The following TJP3 variants were observed in gnomAD, a reference collection of about 807,000 sequenced individuals.
The protein encoded by TJP3 is tight junction protein 3.
A neutral mutation model predicts 104.2 loss-of-function variants in TJP3; 85 were observed. That is an observed-to-expected ratio of 0.82 (90% CI 0.68 to 0.98). The LOEUF (loss-of-function observed/expected upper bound fraction) is 0.98. TJP3 is among the 50% of genes least tolerant of loss of function. The pLI, the probability that TJP3 is intolerant of heterozygous loss-of-function variation, is 0.00. For synonymous variants in TJP3, 550 were observed against 550.6 expected, an observed-to-expected ratio of 1.00 and a Z score of 0.02; for missense variants, 1,367 against 1,322.8, an observed-to-expected ratio of 1.03 and a Z score of -0.52.
At chr19:3,736,078 G>A (rs2036735031) in intron 10 of TJP3, 87 bp from the exon 11 acceptor site, 1 of 1,569,818 alleles carries the variant, frequency 6.4e-7, no homozygotes, top group African/African-American at 1.4e-5. Context: ...GAGGCCTGGA[G>A]GGGGTGGGGG....
chr19:3,718,423 A>G (rs1279140829), intron 1 of TJP3, among the ~76,000 whole-genome samples: 3 of 138,094 alleles, frequency 2.2e-5, no homozygotes, highest in Non-Finnish European at 4.6e-5. Flanking sequence ...GAAAGCCTGT[A>G]GGACAGGAAT....
At chr19:3,747,491 C>A (rs113689900) in intron 18 of TJP3, among the ~76,000 whole-genome samples, 3 of 152,064 alleles carry the variant, frequency 2.0e-5, no homozygotes, top group Non-Finnish European at 2.9e-5. Context: ...GCAGAGATTG[C>A]GCCACAGCAC....
intron 1 of TJP3, among the ~76,000 whole-genome samples, chr19:3,726,111 T>G (rs574412826): frequency 3.3e-5 from 5 of 152,340 alleles, no homozygotes; most frequent in Admixed American, 2.6e-4. Flanking sequence ...ACACCCGCTG[T>G]GCCAAGCCTA....
At chr19:3,736,416 C>G in intron 11 of TJP3, 95 bp downstream of exon 11, 1 of 1,303,966 alleles carries the variant, frequency 7.7e-7, no homozygotes, top group Non-Finnish European at 1.0e-6. Context: ...TTGGGTCCAC[C>G]TGGGGACTGT....
At chr19:3,713,760 C>T (rs927851927) in intron 1 of TJP3, among the ~76,000 whole-genome samples, 1 of 151,888 alleles carries the variant, frequency 6.6e-6, no homozygotes, top group Non-Finnish European at 1.5e-5. Flanking sequence ...GTCGCCCAGG[C>T]TCTGGAGTGC....
chr19:3,736,225 G>A lies in TJP3; in HGVS notation c.1188G>A (p.Leu396=). The A allele has an allele frequency of 6.3e-7, 1 of 1,593,096 alleles. No individual in the cohort carries two copies. Among genetic ancestry groups the A allele is most frequent in the Non-Finnish European group, 8.6e-7 (1 of 1,169,530 alleles). ...AGGGCAAGAGCATCGGGCTGCGGCT[G>A]GCAGGGGGCAATGACGTGGGCATCT... ...FLKGKSIGLR[L]AGGNDVGIFV... Residue 396 remains leucine, a synonymous_variant, in exon 11 of 21, where the codon CTG becomes CTA. Transcript: ENST00000541714.
At chr19:3,718,716 G>T (rs543757242) in intron 1 of TJP3, among the ~76,000 whole-genome samples, 3 of 151,122 alleles carry the variant, frequency 2.0e-5, no homozygotes, top group South Asian at 2.1e-4. Flanking sequence ...TGATCTGCCC[G>T]AATGCAGGAT....
At position 3,743,924 on chromosome 19, in the gene TJP3, GTC is replaced by G. The variant is rs761211406; in HGVS notation, c.1844-11_1844-10del. On this transcript the variant is annotated splice_polypyrimidine_tract_variant and intron_variant, in intron 14 of 20. Coordinates refer to ENST00000541714, the MANE Select transcript of TJP3 (RefSeq NM_001267560.2). ...AATGGGACCCTGATTCTTTCACTGTGTCTCTACCCCTCAGCCAGTTTCAAGCG... is the reference window on the plus strand; with the variant it reads ...AATGGGACCCTGATTCTTTCACTGTGTCTACCCCTCAGCCAGTTTCAAGCG... 1.2e-6 allele frequency: 2 copies of G among 1,613,364 alleles called. No homozygotes were observed. Among genetic ancestry groups the G allele is most frequent in the South Asian group, 2.2e-5 (2 of 91,056 alleles).
chr19:3,731,878 G>C, intron 5 of TJP3, 57 bp from the exon 6 acceptor site: 1 of 1,477,396 alleles, frequency 6.8e-7, no homozygotes, highest in Non-Finnish European at 9.3e-7. Flanking sequence ...GCAGGAGAAT[G>C]CTCCCAGGCA....
chr19:3,737,273 G>A (rs1408801561), intron 11 of TJP3, among the ~76,000 whole-genome samples: 2 of 134,520 alleles, frequency 1.5e-5, no homozygotes, highest in Non-Finnish European at 3.5e-5. Context: ...TCAATGTCAG[G>A]ACTTTGGGTC....
rs376141422 is a variant in TJP3, at chr19:3,728,484, A to T, written c.48+4A>T. 1.2e-6 allele frequency: 2 copies of T among 1,606,568 alleles called. No homozygotes were observed. The highest frequency in any genetic ancestry group is 1.7e-6 in the Non-Finnish European group (2 of 1,176,692). On this transcript the variant is annotated splice_donor_region_variant and intron_variant, in intron 2 of 20. Coordinates refer to ENST00000541714, the MANE Select transcript of TJP3 (RefSeq NM_001267560.2). ...GCACACGGCCACACTGTCCAAGGTG[A>T]GGCCTCCCTCTCCCTGTCTGGGTGC... is the stretch of plus-strand genomic sequence containing the variant.
chr19:3,743,724 C>T, intron 14 of TJP3: 2 of 514,718 alleles, frequency 3.9e-6, no homozygotes, highest in Non-Finnish European at 6.9e-6. Flanking sequence ...CAGAAATGTA[C>T]ACATCAATTC....
At chr19:3,738,709 G>A in intron 12 of TJP3, 46 bp downstream of exon 12, 1 of 1,554,058 alleles carries the variant, frequency 6.4e-7, no homozygotes, top group South Asian at 1.1e-5. Context: ...GCGGGGGGAG[G>A]ACCTGGCTGT....
At chr19:3,748,969 C>T (rs1345376075) in intron 19 of TJP3, among the ~76,000 whole-genome samples, 1 of 150,028 alleles carries the variant, frequency 6.7e-6, no homozygotes, top group African/African-American at 2.5e-5. Context: ...AGCGTTTCTC[C>T]TCCCTCAGAC....
At position 3,750,298 on chromosome 19, in the gene TJP3, G is replaced by C. The variant is rs553720993; in HGVS notation, c.2657+114G>C. ...TTCATGGTGCCCCTAGCCTAGTGGGGAAGACAGAGCCTGCCAGAGCCTCTC... is the reference window on the plus strand; with the variant it reads ...TTCATGGTGCCCCTAGCCTAGTGGGCAAGACAGAGCCTGCCAGAGCCTCTC... On this transcript the variant is annotated intron_variant, in intron 20 of 20. Transcript: ENST00000541714. 1.5e-5 allele frequency: 22 copies of C among 1,434,500 alleles called. No homozygotes were observed. The South Asian group carries it at 2.3e-4, about 15-fold the overall frequency. The allele number at this position is 1,434,500 out of a possible 1,614,324, so 88.9% of individuals were successfully genotyped here.
intron 1 of TJP3, among the ~76,000 whole-genome samples, chr19:3,723,480 T>C (rs1477737096): frequency 6.6e-6 from 1 of 152,090 alleles, no homozygotes; most frequent in Non-Finnish European, 1.5e-5. Flanking sequence ...AGATGATTTT[T>C]AGATGCCTTG....
Position 3,746,629 on chromosome 19 carries a change from C to T in TJP3, c.2155C>T (p.Arg719Cys), listed in dbSNP as rs758194404. The change falls in exon 17 of 21, where the codon CGC (arginine) becomes TGC (cysteine). Residue 719 changes from arginine to cysteine, a missense_variant. Transcript: ENST00000541714. This position sits in a 1 kb window ranked among gnomAD's most constrained non-coding sequence, Gnocchi z 4.1. ...LRQWLAPASR[R>C]STRRLYAQAQ... is the part of the protein sequence containing the mutation. Reference sequence around the variant, plus strand: ...CCAGTGGCTGGCGCCTGCCTCCCGCCGCAGCACCCGTCGCCTCTACGCACA... The same window carrying T: ...CCAGTGGCTGGCGCCTGCCTCCCGCTGCAGCACCCGTCGCCTCTACGCACA... 3.3e-5 allele frequency: 53 copies of T among 1,613,226 alleles called. No homozygotes were observed. The highest frequency in any genetic ancestry group is 3.1e-4 in the South Asian group (28 of 91,070).
intron 1 of TJP3, among the ~76,000 whole-genome samples, chr19:3,725,852 GA>G (rs1372448549): frequency 6.6e-6 from 1 of 152,182 alleles, no homozygotes; most frequent in African/African-American, 2.4e-5. Flanking sequence ...CACAGATGGG[GA>G]GACTGAGGCT....
At position 3,733,765 on chromosome 19, in the gene TJP3, T is replaced by A; in HGVS notation, c.730T>A (p.Ser244Thr). 1.2e-6 allele frequency: 2 copies of A among 1,614,176 alleles called. No homozygotes were observed. The highest frequency in any genetic ancestry group is 1.7e-6 in the Non-Finnish European group (2 of 1,180,012). ...GDLILQINGVSSQNLSLNDTR... is the reference protein window; with the variant it reads ...GDLILQINGVTSQNLSLNDTR... Reference sequence around the variant, plus strand: ...TGGTCCCTTTCAGATCAACGGGGTGTCTAGCCAGAACCTGTCACTGAACGA... The same window carrying A: ...TGGTCCCTTTCAGATCAACGGGGTGACTAGCCAGAACCTGTCACTGAACGA... The change falls in exon 7 of 21, where the codon TCT (serine) becomes ACT (threonine). Residue 244 changes from serine to threonine, a missense_variant. Transcript: ENST00000541714.
Sources: allele counts gnomAD v4.1 joint callset (sites outside exome capture counted in the v4.1 genomes callset), GRCh38; gene constraint gnomAD v4.1.1; non-coding constraint Gnocchi (gnomAD v3.1); transcripts MANE v1.5; gene names NCBI Gene and HGNC (gene_info 2026-07-23, HGNC 2026-07-21).